Variants in RUNX1 observed in about 807,000 individuals in gnomAD.
RUNX1 encodes RUNX family transcription factor 1, also known as runt-related transcription factor 1.
A neutral mutation model predicts 42.8 loss-of-function variants in RUNX1; 19 were observed. That is an observed-to-expected ratio of 0.44 (90% CI 0.31 to 0.65). The LOEUF is 0.65. Ranked by LOEUF, RUNX1 falls within the 30% of genes least tolerant of loss-of-function variation. RUNX1 has a pLI of 0.07. For missense variants in RUNX1, 528 were observed against 672.0 expected, an observed-to-expected ratio of 0.79 and a Z score of 2.37; for synonymous variants, 271 against 289.4, an observed-to-expected ratio of 0.94 and a Z score of 0.64.
At chr21:35,047,996 C>T (rs2059413218) in intron 2 of RUNX1, among the ~76,000 whole-genome samples, 1 of 152,216 alleles carries the variant, frequency 6.6e-6, no homozygotes, top group Non-Finnish European at 1.5e-5. Context: ...AGCTCAACCA[C>T]AGCTTTGTCC....
rs552501330 is a variant in RUNX1 at position 34,833,850 on chromosome 21, T to C, written c.805+560A>G. 2.6e-5 allele frequency: 6 copies of C among 226,828 alleles called. No homozygotes were observed. The East Asian group carries it at 2.9e-4, about 11-fold the overall frequency. The allele number at this position is 226,828 out of a possible 1,614,324, so 14.1% of individuals were successfully genotyped here. A position where few individuals can be genotyped will look rare whatever the true frequency, so the allele number is the denominator to read the frequency against. ...CTTTAGTAATTGCCAGCTAGCCCCA[T>C]GGGCTGGGGGGACCTGCATTCTCTA... is the stretch of plus-strand genomic sequence containing the variant. On this transcript the variant is annotated intron_variant, in intron 7 of 8. Coordinates refer to ENST00000675419, the MANE Select transcript of RUNX1 (RefSeq NM_001754.5).
intron 4 of RUNX1, among the ~76,000 whole-genome samples, chr21:34,884,002 T>C (rs1421952160): frequency 6.6e-6 from 1 of 152,240 alleles, no homozygotes; most frequent in Non-Finnish European, 1.5e-5. Flanking sequence ...CGAACTTCCC[T>C]GCTGAAGGCA....
chr21:34,797,292 C>G (rs2056543312), intron 8 of RUNX1, among the ~76,000 whole-genome samples: 1 of 152,238 alleles, frequency 6.6e-6, no homozygotes, highest in Non-Finnish European at 1.5e-5. Context: ...AAAATGTTCT[C>G]TCTTACTCCT....
chr21:34,863,550 C>CTTTTTT (rs34743281), intron 5 of RUNX1, among the ~76,000 whole-genome samples: 28 of 109,106 alleles, frequency 2.6e-4, no homozygotes, highest in South Asian at 3.2e-4. Context: ...TCATGCCCAT[C>CTTTTTT]TTTTTTTTTT....
At chr21:34,865,066 C>G (rs1251604443) in intron 5 of RUNX1, among the ~76,000 whole-genome samples, 1 of 152,106 alleles carries the variant, frequency 6.6e-6, no homozygotes, top group African/African-American at 2.4e-5. Flanking sequence ...GGGTTAATAA[C>G]AGTCATTCCA....
At chr21:34,931,710 G>A (rs2058448867) in intron 2 of RUNX1, among the ~76,000 whole-genome samples, 1 of 151,234 alleles carries the variant, frequency 6.6e-6, no homozygotes, top group East Asian at 1.9e-4. Flanking sequence ...ACTGAGCACA[G>A]CAAGAATGAG....
chr21:34,919,899 G>A (rs1446895622), intron 2 of RUNX1, among the ~76,000 whole-genome samples: 1 of 152,226 alleles, frequency 6.6e-6, no homozygotes, highest in Non-Finnish European at 1.5e-5. Context: ...ACATACTGGA[G>A]TAGGTTTAAG....
chr21:34,921,913 C>T (rs1033125092), intron 2 of RUNX1, among the ~76,000 whole-genome samples: 5 of 152,138 alleles, frequency 3.3e-5, no homozygotes, highest in African/African-American at 4.8e-5. Flanking sequence ...GGATTACAGG[C>T]GTGAGCCACC....
At position 34,950,110 on chromosome 21, in the gene RUNX1, T is replaced by C. The variant is rs187179874; in HGVS notation, c.59-57147A>G. Among the ~76,000 whole-genome samples, 537 of 152,322 alleles carry C rather than the reference T, an allele frequency of 3.5e-3. 2 individuals carry two copies. Among genetic ancestry groups the C allele is most frequent in the Middle Eastern group, 0.014 (4 of 294 alleles). The stretch of plus-strand genomic sequence containing the variant: ...AATGCTAAACAAACATGATTATTAT[T>C]TGGTGGAAGCCCCTCAGGTTTTGGA... On this transcript the variant is annotated intron_variant, in intron 2 of 8. Transcript: ENST00000675419.
intron 5 of RUNX1, among the ~76,000 whole-genome samples, chr21:34,865,056 G>A (rs1450186099): frequency 6.6e-6 from 1 of 152,046 alleles, no homozygotes; most frequent in African/African-American, 2.4e-5. Context: ...CTGTAAAAGG[G>A]GGTTAATAAC....
Position 34,790,714 on chromosome 21 carries a change from A to T in RUNX1, c.*1421T>A, listed in dbSNP as rs776657485. 6 of 233,192 alleles carry T rather than the reference A, an allele frequency of 2.6e-5. No individual in the cohort carries two copies. The highest frequency in any genetic ancestry group is 4.4e-5 in the African/African-American group (2 of 45,340). 14.4% of individuals were successfully genotyped at this position (233,192 alleles called of 1,614,324 possible). A position where few individuals can be genotyped will look rare whatever the true frequency, so the allele number is the denominator to read the frequency against. ...CAGCACAGGACAGGGGGTCTCGCAC[A>T]GGTGGGACCATGTTTTCCCACTTGT... is the stretch of plus-strand genomic sequence containing the variant. On this transcript the variant is annotated 3_prime_UTR_variant, in exon 9 of 9. Coordinates refer to ENST00000675419, the MANE Select transcript of RUNX1 (RefSeq NM_001754.5).
chr21:34,802,894 TA>T (rs2056627923), intron 7 of RUNX1, among the ~76,000 whole-genome samples: 1 of 152,164 alleles, frequency 6.6e-6, no homozygotes, highest in Admixed American at 6.5e-5. Flanking sequence ...CAAAGGGTAA[TA>T]GGAGTAAGTG....
intron 2 of RUNX1, among the ~76,000 whole-genome samples, chr21:35,031,923 G>T (rs1279312899): frequency 6.6e-6 from 1 of 152,206 alleles, no homozygotes; most frequent in Admixed American, 6.5e-5. Context: ...ATCCACTAAG[G>T]AACATTCCTG....
At chr21:34,852,018 A>G (rs111449846) in intron 6 of RUNX1, among the ~76,000 whole-genome samples, 22,067 of 152,094 alleles carry the variant, frequency 0.15, 1,933 homozygotes, top group Non-Finnish European at 0.2. Context: ...AATACAAAAA[A>G]TTAGCCGGGC....
intron 8 of RUNX1, among the ~76,000 whole-genome samples, chr21:34,797,189 T>C (rs1347839971): frequency 1.3e-5 from 2 of 152,242 alleles, no homozygotes; most frequent in East Asian, 3.8e-4. Flanking sequence ...TGAAAGCTCA[T>C]CTGGAATTCT....
intron 7 of RUNX1, among the ~76,000 whole-genome samples, chr21:34,814,241 C>T (rs1045280560): frequency 4.6e-5 from 7 of 152,172 alleles, no homozygotes; most frequent in African/African-American, 1.7e-4. Flanking sequence ...GTGTCTGTTG[C>T]TGTAAATGTA....
intron 2 of RUNX1, among the ~76,000 whole-genome samples, chr21:34,982,643 T>C (rs1661804220): frequency 6.6e-6 from 1 of 152,156 alleles, no homozygotes; most frequent in Non-Finnish European, 1.5e-5. Flanking sequence ...GATCTTGGCT[T>C]ATTGCAATCT....
At chr21:34,815,978 T>C (rs2056820284) in intron 7 of RUNX1, among the ~76,000 whole-genome samples, 1 of 151,782 alleles carries the variant, frequency 6.6e-6, no homozygotes, top group Non-Finnish European at 1.5e-5. Context: ...CTTCCTAGGC[T>C]CCTCCTCATC....
At chr21:34,913,245 A>G (rs2058286349) in intron 2 of RUNX1, among the ~76,000 whole-genome samples, 1 of 151,908 alleles carries the variant, frequency 6.6e-6, no homozygotes, top group Admixed American at 6.6e-5. Context: ...AAAGAAGAAG[A>G]AGGAGAAGGA....
Sources: allele counts gnomAD v4.1 joint callset (sites outside exome capture counted in the v4.1 genomes callset), GRCh38; gene constraint gnomAD v4.1.1; transcripts MANE v1.5; gene names NCBI Gene and HGNC (gene_info 2026-07-23, HGNC 2026-07-21).